ADGRF5: variants seen among roughly 807,000 people sequenced by gnomAD.
ADGRF5 encodes the protein adhesion G protein-coupled receptor F5.
In ADGRF5, 75 loss-of-function variants were observed where a neutral mutation model predicts 132.3. The ratio of observed to expected loss-of-function variants is 0.57; its 90% CI spans 0.47 to 0.69. ADGRF5 has a LOEUF of 0.69. ADGRF5 is among the 30% of genes least tolerant of loss of function. The pLI, the probability that ADGRF5 is intolerant of heterozygous loss-of-function variation, is 0.00. For missense variants in ADGRF5, 1,516 were observed against 1,630.6 expected, an observed-to-expected ratio of 0.93 and a Z score of 1.21; for synonymous variants, 629 against 597.6, an observed-to-expected ratio of 1.05 and a Z score of -0.77.
chr6:46,862,702 G>GGTTTTTTTTTT (rs1562148328), intron 15 of ADGRF5, among the ~76,000 whole-genome samples, 186 bp downstream of exon 15: 1 of 34,388 alleles, frequency 2.9e-5, no homozygotes, highest in Non-Finnish European at 5.4e-5. Context: ...TTGAATTGAG[G>GGTTTTTTTTTT]CTTTTTTTTT....
chr6:46,854,052 G>T lies in ADGRF5; in HGVS notation c.3981C>A (p.Thr1327=). The T allele has an allele frequency of 2.5e-6, 4 of 1,602,818 alleles. No homozygotes were observed. Among genetic ancestry groups the T allele is most frequent in the Non-Finnish European group, 3.4e-6 (4 of 1,176,038 alleles). The stretch of plus-strand genomic sequence containing the variant: ...CCAGGGATGAGCTGGTTGCTTCTGG[G>T]GTGGAAACATTATACGTTCCTGAAA... The part of the protein sequence containing the change: ...FGKTGTYNVS[T]PEATSSSLEN... The change falls in exon 21 of 21, where the codon ACC becomes ACA. Residue 1327 remains threonine (T), a synonymous_variant. Transcript: ENST00000283296.
At chr6:46,891,654 G>T (rs1773652469) in intron 3 of ADGRF5, among the ~76,000 whole-genome samples, 1 of 152,192 alleles carries the variant, frequency 6.6e-6, no homozygotes, top group African/African-American at 2.4e-5. Flanking sequence ...GGTCATGTCT[G>T]CCCCTGTGCT....
chr6:46,857,910 C>T (rs760291376), intron 17 of ADGRF5, among the ~76,000 whole-genome samples: 1 of 152,156 alleles, frequency 6.6e-6, no homozygotes, highest in African/African-American at 2.4e-5. Context: ...TGGCAAATGA[C>T]ACTAAATTAT....
intron 20 of ADGRF5, 97 bp downstream of exon 20, chr6:46,855,877 A>C: frequency 1.4e-6 from 1 of 726,632 alleles, no homozygotes; most frequent in Non-Finnish European, 2.5e-6. Flanking sequence ...TTTCAGGTAA[A>C]TGCCATGAGC....
chr6:46,864,458 A>G (rs1770148660), intron 14 of ADGRF5, among the ~76,000 whole-genome samples: 2 of 152,148 alleles, frequency 1.3e-5, no homozygotes, highest in South Asian at 4.1e-4. Flanking sequence ...ATCACCTGGT[A>G]AACTCCTTTA....
At chr6:46,907,098 C>A (rs1328956) in intron 1 of ADGRF5, among the ~76,000 whole-genome samples, 120 of 152,278 alleles carry the variant, frequency 7.9e-4, no homozygotes, top group African/African-American at 2.8e-3. Flanking sequence ...GAACACTATT[C>A]ATTTTCGCTA....
chr6:46,865,192 C>A lies in ADGRF5; in HGVS notation c.1840G>T (p.Glu614Ter). ...TGSSSLPAAKEVNKKQVCYKH... is the reference protein window; with the variant it reads ...TGSSSLPAAK ...TAGCACACTTGTTTTTTGTTAACTT[C>A]TTTTGCTGAAGACAGAATTATTGAA... Residue 614 changes from glutamate to a stop codon, truncating the protein, a stop_gained, in exon 14 of 21, where the codon GAA becomes TAA. Coordinates refer to ENST00000283296, the MANE Select transcript of ADGRF5 (RefSeq NM_001098518.2). LOFTEE classifies it high-confidence loss of function. The A allele has an allele frequency of 6.2e-7, 1 of 1,607,368 alleles. No individual in the cohort carries two copies. The highest frequency in any genetic ancestry group is 8.5e-7 in the Non-Finnish European group (1 of 1,175,702).
At chr6:46,895,623 G>C (rs1201939529) in intron 3 of ADGRF5, among the ~76,000 whole-genome samples, 1 of 149,520 alleles carries the variant, frequency 6.7e-6, no homozygotes, top group Non-Finnish European at 1.5e-5. Flanking sequence ...TCCAGTGCAG[G>C]GTTTGGACAT....
chr6:46,867,798 G>A (rs959512898), intron 12 of ADGRF5, among the ~76,000 whole-genome samples: 39 of 152,034 alleles, frequency 2.6e-4, no homozygotes, highest in Non-Finnish European at 5.3e-4. Flanking sequence ...TCCTGCTGCG[G>A]GGGGGAAGAG....
Position 46,858,948 on chromosome 6 carries a change from A to C in ADGRF5, c.2955T>G (p.Cys985Trp). 5 of 1,613,100 alleles carry C rather than the reference A, an allele frequency of 3.1e-6. No homozygotes were observed. Among genetic ancestry groups the C allele is most frequent in the Non-Finnish European group, 4.2e-6 (5 of 1,179,040 alleles). Residue 985 changes from cysteine (C) to tryptophan (W), a missense_variant, in exon 17 of 21, where the codon TGT (cysteine) becomes TGG (tryptophan). Cys to Trp is a radical substitution (Grantham distance 215). This residue lies in a region of ADGRF5 where 571 missense variants were observed against 701.2 expected (regional missense o/e 0.81). Coordinates refer to ENST00000283296, the MANE Select transcript of ADGRF5 (RefSeq NM_001098518.2). ...VEEGDGDNVTCICDHLTSFSI... is the reference protein window; with the variant it reads ...VEEGDGDNVTWICDHLTSFSI... ...AGAATGATGTTAGGTGGTCACAGATACAGGTGACATTGTCCCCATCACCTT... is the reference window on the plus strand; with the variant it reads ...AGAATGATGTTAGGTGGTCACAGATCCAGGTGACATTGTCCCCATCACCTT...
chr6:46,879,826 C>T lies in ADGRF5; in HGVS notation c.1028G>A (p.Gly343Asp). ...SKLTIHNITP[G>D]DAGEYVCKLI... ...ACTGAATGGAGACCTACCTGCATCA[C>T]CTGGAGTGATGTTGTGGATGGTGAG... Residue 343 changes from glycine to aspartate, a missense_variant, in exon 9 of 21, where the codon GGT (glycine) becomes GAT (aspartate). By Grantham distance (94) the Gly-to-Asp change is moderately conservative. Around this residue, in one of 2 missense-constraint regions of ADGRF5, gnomAD observed 945 missense variants for 929.4 expected, o/e 1.02. Coordinates refer to ENST00000283296, the MANE Select transcript of ADGRF5 (RefSeq NM_001098518.2). The T allele has an allele frequency of 6.2e-7, 1 of 1,609,890 alleles. No individual in the cohort carries two copies.
intron 1 of ADGRF5, among the ~76,000 whole-genome samples, chr6:46,918,951 CAACA>C (rs898265936): frequency 2.6e-5 from 4 of 152,310 alleles, no homozygotes; most frequent in South Asian, 2.1e-4. Flanking sequence ...AGATTAAAAA[CAACA>C]AACAAACAAA....
intron 2 of ADGRF5, among the ~76,000 whole-genome samples, chr6:46,902,045 T>C (rs1774829035): frequency 6.6e-6 from 1 of 152,200 alleles, no homozygotes; most frequent in African/African-American, 2.4e-5. Flanking sequence ...AGGGGAATGA[T>C]GGATGATGAT....
intron 3 of ADGRF5, among the ~76,000 whole-genome samples, chr6:46,891,414 T>C (rs1035900857): frequency 2.6e-5 from 4 of 152,228 alleles, no homozygotes; most frequent in Non-Finnish European, 5.9e-5. Flanking sequence ...ACATTCTTTT[T>C]CCTGAAAAGT....
chr6:46,929,515 T>TAAAAATA (rs1554128375), intron 1 of ADGRF5, among the ~76,000 whole-genome samples: 2 of 114,972 alleles, frequency 1.7e-5, no homozygotes, highest in Non-Finnish European at 3.7e-5. Context: ...AAAATAAAAA[T>TAAAAATA]AAAAAAAAGA....
chr6:46,899,830 T>TA (rs1437196886), intron 3 of ADGRF5, among the ~76,000 whole-genome samples, 199 bp downstream of exon 3: 1 of 152,034 alleles, frequency 6.6e-6, no homozygotes, highest in African/African-American at 2.4e-5. Flanking sequence ...GGAGGGTTCT[T>TA]ACGTGTTGTT....
In ADGRF5 at chr6:46,869,310, T is replaced by C. The variant is rs906266363; in HGVS notation, c.1412-218A>G. The C allele has an allele frequency of 2.8e-6, 4 of 1,404,880 alleles. No individual in the cohort carries two copies. In the African/African-American group the frequency reaches 4.3e-5, roughly 15 times the overall value. 87.0% of individuals were successfully genotyped at this position (1,404,880 alleles called of 1,614,324 possible). A position where few individuals can be genotyped will look rare whatever the true frequency, so the allele number is the denominator to read the frequency against. ...CTGGTGGTGCTCTGCACTGTACTCA[T>C]TTCCATCACATGCCTTAGGACCTCG... On this transcript the variant is annotated intron_variant, in intron 11 of 20. Coordinates refer to ENST00000283296, the MANE Select transcript of ADGRF5 (RefSeq NM_001098518.2).
chr6:46,889,780 GTATA>G (rs34974726), intron 3 of ADGRF5, among the ~76,000 whole-genome samples: 43 of 143,010 alleles, frequency 3.0e-4, no homozygotes, highest in South Asian at 1.3e-3. Context: ...ATGTGTGTGT[GTATA>G]TATATATATA....
At chr6:46,869,184 G>C (rs755308319) in intron 11 of ADGRF5, 92 bp from the exon 12 acceptor site, 29 of 1,521,826 alleles carry the variant, frequency 1.9e-5, no homozygotes, top group Non-Finnish European at 2.5e-5. Context: ...TGAAACTTCA[G>C]AGAGGGACAG....
Sources: allele counts gnomAD v4.1 joint callset (sites outside exome capture counted in the v4.1 genomes callset), GRCh38; gene constraint gnomAD v4.1.1; regional missense constraint gnomAD v4.1.1; transcripts MANE v1.5; gene names NCBI Gene and HGNC (gene_info 2026-07-23, HGNC 2026-07-21).